Variants in UBXN8 observed in about 807,000 individuals in gnomAD.
The protein encoded by UBXN8 is UBX domain protein 8.
A neutral mutation model predicts 32.1 loss-of-function variants in UBXN8; 27 were observed. The observed-to-expected ratio is 0.84, with a 90% CI of 0.62 to 1.16. The LOEUF (loss-of-function observed/expected upper bound fraction) is 1.16. Among genes scored for constraint, UBXN8 ranks in the 50% most tolerant of loss-of-function variants. The probability of loss-of-function intolerance (pLI) is 0.00; values close to 1 mark genes in which losing one functional copy is unlikely to be tolerated. For synonymous variants in UBXN8, 109 were observed against 111.8 expected (o/e 0.98, Z 0.16); for missense variants, 306 against 311.4 (o/e 0.98, Z 0.13).
chr8:30,753,229 A>C, intron 3 of UBXN8, 124 bp downstream of exon 3: 1 of 1,258,996 alleles, frequency 7.9e-7, no homozygotes. Context: ...ATGAGGTCAA[A>C]TTCACGTGAC....
chr8:30,754,521 C>T (rs753400319), intron 3 of UBXN8, 144 bp from the exon 4 acceptor site: 8 of 1,171,572 alleles, frequency 6.8e-6, no homozygotes, highest in South Asian at 6.2e-5. Context: ...AGCCTCCCCA[C>T]AACCAAGCAG....
At chr8:30,761,589 T>C (rs1805833204) in intron 6 of UBXN8, among the ~76,000 whole-genome samples, 1 of 152,106 alleles carries the variant, frequency 6.6e-6, no homozygotes, top group Non-Finnish European at 1.5e-5. Context: ...AATGCGTTGC[T>C]TACTAAAACA....
chr8:30,753,771 CTTTTTTTT>C (rs748807226), intron 3 of UBXN8, among the ~76,000 whole-genome samples: 1 of 122,630 alleles, frequency 8.2e-6, no homozygotes, highest in Admixed American at 9.3e-5. Flanking sequence ...AGATATACCA[CTTTTTTTT>C]TTTTTTTTTT....
intron 1 of UBXN8, among the ~76,000 whole-genome samples, chr8:30,734,635 A>T (rs73247214): frequency 0.25 from 37,507 of 151,442 alleles, 5,226 homozygotes; most frequent in African/African-American, 0.39. Context: ...AAAAAAAAAA[A>T]TTTCTTTCAA....
Position 30,744,194 on chromosome 8 carries a change from C to T in UBXN8, c.5C>T (p.Ala2Val), listed in dbSNP as rs1204072092. 49 of 1,612,998 alleles carry T rather than the reference C, an allele frequency of 3.0e-5. No individual in the cohort carries two copies. The highest frequency in any genetic ancestry group is 4.2e-5 in the Non-Finnish European group (49 of 1,179,582). M[A>V]SRGVVGIFFL... ...GCACCAGGCGCTTCCGCCACCATGG[C>T]TTCACGTGGGGTTGTTGGCATTTTC... The change falls in exon 1 of 8, where the codon GCT becomes GTT. Residue 2 changes from alanine to valine, a missense_variant. Transcript: ENST00000265616.
At chr8:30,749,173 C>T (rs1805445889) in intron 1 of UBXN8, among the ~76,000 whole-genome samples, 1 of 152,000 alleles carries the variant, frequency 6.6e-6, no homozygotes, top group Admixed American at 6.6e-5. Flanking sequence ...GCCAGCGGAT[C>T]ACCTGAGGTC....
upstream of UBXN8, among the ~76,000 whole-genome samples, chr8:30,731,895 G>A (rs938123529): frequency 6.6e-6 from 1 of 152,204 alleles, no homozygotes; most frequent in African/African-American, 2.4e-5. Flanking sequence ...CTGGGACCAA[G>A]GACTACAGGC....
At chr8:30,747,311 T>TG (rs987368749) in intron 1 of UBXN8, among the ~76,000 whole-genome samples, 1 of 117,514 alleles carries the variant, frequency 8.5e-6, no homozygotes, top group Non-Finnish European at 1.8e-5. Context: ...AGTGGTGTTT[T>TG]TTTTTTTTTT....
At chr8:30,765,924 C>T (rs1311899733) in intron 7 of UBXN8, among the ~76,000 whole-genome samples, 2 of 150,808 alleles carry the variant, frequency 1.3e-5, no homozygotes, top group African/African-American at 2.4e-5. Context: ...GCAGGAGAAT[C>T]GCTTAAACCC....
At chr8:30,756,035 T>A (rs1805650026) in intron 4 of UBXN8, 1 of 152,076 alleles carries the variant, frequency 6.6e-6, no homozygotes. Context: ...TTTCTTTTTT[T>A]TTTTTTTGAG....
intron 3 of UBXN8, 29 bp downstream of exon 3, chr8:30,753,134 C>A: frequency 1.4e-6 from 2 of 1,456,384 alleles, no homozygotes; most frequent in East Asian, 2.6e-5. Context: ...AGACTTTATG[C>A]GTAGAGAAAT....
chr8:30,749,261 T>G (rs187882216), intron 1 of UBXN8, among the ~76,000 whole-genome samples: 99 of 151,728 alleles, frequency 6.5e-4, no homozygotes, highest in African/African-American at 2.3e-3. Context: ...GGCATGGTGG[T>G]GCATGCCTGT....
intron 1 of UBXN8, among the ~76,000 whole-genome samples, chr8:30,746,102 C>A (rs986653302): frequency 6.6e-6 from 1 of 152,066 alleles, no homozygotes; most frequent in Middle Eastern, 3.2e-3. Context: ...TTTTGTATTC[C>A]CAGCACTTAC....
At position 30,744,448 on chromosome 8, in the gene UBXN8, C is replaced by A. The variant is rs1805306820; in HGVS notation, c.88+171C>A. The A allele has an allele frequency of 2.0e-5, 13 of 660,654 alleles. No homozygotes were observed. The South Asian group carries it at 2.3e-4, about 12-fold the overall frequency. The allele number at this position is 660,654 out of a possible 1,614,324, so 40.9% of individuals were successfully genotyped here. On this transcript the variant is annotated intron_variant, in intron 1 of 7. Coordinates refer to ENST00000265616, the MANE Select transcript of UBXN8 (RefSeq NM_005671.4). Reference sequence around the variant, plus strand: ...CGGAGCTGACTTCACTTCGAGGAACCTTTTCCCTCCAGGTGTGATGGTTTT... The same window carrying A: ...CGGAGCTGACTTCACTTCGAGGAACATTTTCCCTCCAGGTGTGATGGTTTT...
At chr8:30,758,074 T>G (rs1805711191) in intron 5 of UBXN8, among the ~76,000 whole-genome samples, 2 of 152,002 alleles carry the variant, frequency 1.3e-5, no homozygotes, top group Admixed American at 1.3e-4. Context: ...TTTTTTGTAT[T>G]TTTAGTAGAG....
chr8:30,759,084 A>C (rs1198521387), intron 5 of UBXN8, among the ~76,000 whole-genome samples: 1 of 150,548 alleles, frequency 6.6e-6, no homozygotes, highest in Non-Finnish European at 1.5e-5. Flanking sequence ...TAGTAGAGAC[A>C]GGGTTCCATC....
At chr8:30,754,630 G>C (rs181003994) in intron 3 of UBXN8, 35 bp from the exon 4 acceptor site, 2 of 1,526,004 alleles carry the variant, frequency 1.3e-6, no homozygotes, top group African/African-American at 2.9e-5. Flanking sequence ...AACATTAATG[G>C]ATAGTAACAA....
At chr8:30,752,111 C>T (rs1338294629) in intron 2 of UBXN8, among the ~76,000 whole-genome samples, 1 of 152,098 alleles carries the variant, frequency 6.6e-6, no homozygotes, top group African/African-American at 2.4e-5. Context: ...AGGATGGTCT[C>T]GATCTCTTGA....
At chr8:30,740,978 G>C (rs1201435716), upstream of UBXN8, among the ~76,000 whole-genome samples, 1 of 152,084 alleles carries the variant, frequency 6.6e-6, no homozygotes, top group Non-Finnish European at 1.5e-5. Context: ...CACCTTCCTT[G>C]TCAAAAAAGA....
Sources: allele counts gnomAD v4.1 joint callset (sites outside exome capture counted in the v4.1 genomes callset), GRCh38; gene constraint gnomAD v4.1.1; transcripts MANE v1.5; gene names NCBI Gene and HGNC (gene_info 2026-07-23, HGNC 2026-07-21).